Variants in RAB35 observed in about 807,000 individuals in gnomAD.
RAB35 encodes the protein RAB35, member RAS oncogene family.
In RAB35, 4 loss-of-function variants were observed where a neutral mutation model predicts 28.9. That is an observed-to-expected ratio of 0.14 (90% CI 0.07 to 0.32). The LOEUF is 0.32. Ranked by LOEUF, RAB35 falls within the 10% of genes least tolerant of loss-of-function variation. The pLI is 1.00. For missense variants in RAB35, 128 were observed against 274.0 expected (o/e 0.47, Z 3.76); for synonymous variants, 99 against 105.1 (o/e 0.94, Z 0.35).
intron 2 of RAB35, among the ~76,000 whole-genome samples, chr12:120,107,052 C>G (rs1044340228): frequency 8.6e-5 from 13 of 151,888 alleles, no homozygotes; most frequent in African/African-American, 2.7e-4. Flanking sequence ...GCAGTGGTGC[C>G]ATCTCAGCTC....
rs575152511 is a variant in RAB35 at position 120,116,749 on chromosome 12, C to T, written c.-99G>A. 30 of 1,187,776 alleles carry T rather than the reference C, an allele frequency of 2.5e-5. No homozygotes were observed. In the South Asian group the frequency reaches 1.0e-3, roughly 40 times the overall value. 73.6% of individuals were successfully genotyped at this position (1,187,776 alleles called of 1,614,324 possible). A position where few individuals can be genotyped will look rare whatever the true frequency, so the allele number is the denominator to read the frequency against. ...CTCCGGCAGCGGCGGATCCACTTCC[C>T]GAACAAACAGCCGGAACTGACAGAA... On this transcript the variant is annotated 5_prime_UTR_variant, in exon 1 of 6. Transcript: ENST00000229340.
Position 120,095,673 on chromosome 12 carries a change from C to T in RAB35, c.*1572G>A, listed in dbSNP as rs887140146. On this transcript the variant is annotated 3_prime_UTR_variant, in exon 6 of 6. Coordinates refer to ENST00000229340, the MANE Select transcript of RAB35 (RefSeq NM_006861.7). Reference sequence around the variant, plus strand: ...CCCATGGGGCTCCCCCACCCCATCCCGTGGCTCCAAAGTGAAGGCCTGTCC... The same window carrying T: ...CCCATGGGGCTCCCCCACCCCATCCTGTGGCTCCAAAGTGAAGGCCTGTCC... 6 of 152,278 alleles carry T rather than the reference C, an allele frequency of 3.9e-5. No individual in the cohort carries two copies. The highest frequency in any genetic ancestry group is 7.2e-5 in the African/African-American group (3 of 41,458). 9.4% of individuals were successfully genotyped at this position (152,278 alleles called of 1,614,324 possible).
intron 3 of RAB35, among the ~76,000 whole-genome samples, chr12:120,101,022 C>A (rs1271236804): frequency 6.6e-6 from 1 of 152,232 alleles, no homozygotes; most frequent in African/African-American, 2.4e-5. Flanking sequence ...ACAGCCCCCG[C>A]GGCTCCCTGG....
chr12:120,113,140 C>T (rs1031841247), intron 1 of RAB35, among the ~76,000 whole-genome samples: 1 of 151,740 alleles, frequency 6.6e-6, no homozygotes, highest in African/African-American at 2.4e-5. Context: ...GATCTGCCCA[C>T]CTCGGCCTCC....
Position 120,098,782 on chromosome 12 carries a change from G to A in RAB35, c.477+29C>T, listed in dbSNP as rs768727707. The A allele has an allele frequency of 1.9e-6, 3 of 1,613,338 alleles. No homozygotes were observed. In the African/African-American group the frequency reaches 4.0e-5, roughly 22 times the overall value. ...ATGGAGAAGGCGGCCACGGGTGTGT[G>A]GCAGAGCCACAGTGGCCCAGGGCCT... is the stretch of plus-strand genomic sequence containing the variant. On this transcript the variant is annotated intron_variant, in intron 5 of 5. Transcript: ENST00000229340.
chr12:120,116,419 C>G (rs1876339233), intron 1 of RAB35, among the ~76,000 whole-genome samples, 180 bp downstream of exon 1: 2 of 151,750 alleles, frequency 1.3e-5, no homozygotes, highest in Admixed American at 1.3e-4. Flanking sequence ...CGCCCCGCGC[C>G]CCAACCTCCC....
chr12:120,109,891 C>A (rs1024655884), intron 1 of RAB35, among the ~76,000 whole-genome samples: 1 of 152,170 alleles, frequency 6.6e-6, no homozygotes, highest in African/African-American at 2.4e-5. Flanking sequence ...ATCTCCAACA[C>A]CCCTGAGGCC....
Position 120,103,641 on chromosome 12 carries a change from C to A in RAB35, c.227+185G>T, listed in dbSNP as rs899567817. On this transcript the variant is annotated intron_variant, in intron 3 of 5. Coordinates refer to ENST00000229340, the MANE Select transcript of RAB35 (RefSeq NM_006861.7). The surrounding 1 kb of genome is among the most constrained non-coding windows in gnomAD (Gnocchi z 6.1). ...GCTCAGCGACTCCCCCACAGCACCC[C>A]CCTCACATCTTCAGGACCAGGAAGG... 2.8e-4 allele frequency among the ~76,000 whole-genome samples: 42 copies of A among 152,196 alleles called. No individual in the cohort carries two copies. Among genetic ancestry groups the A allele is most frequent in the African/African-American group, 9.4e-4 (39 of 41,440 alleles).
rs1190907036 is a variant in RAB35, at chr12:120,096,440, C to T, written c.*805G>A. On this transcript the variant is annotated 3_prime_UTR_variant, in exon 6 of 6. Transcript: ENST00000229340. ...TTAAAATAATCCTCCCATAGCCCCC[C>T]TGCCAGCCCCATCTCTGCACGAACC... The T allele has an allele frequency of 1.6e-6, 2 of 1,288,472 alleles. No individual in the cohort carries two copies. Among genetic ancestry groups the T allele is most frequent in the African/African-American group, 1.5e-5 (1 of 65,842 alleles). 79.8% of individuals were successfully genotyped at this position (1,288,472 alleles called of 1,614,324 possible).
rs76041269 is a variant in RAB35 at position 120,099,852 on chromosome 12, C to T, written c.228-698G>A. Reference sequence around the variant, plus strand: ...CCCATGTCCCCATTCATCCCAGTGGCACAGGACGACATCAATCCCCGGAGG... The same window carrying T: ...CCCATGTCCCCATTCATCCCAGTGGTACAGGACGACATCAATCCCCGGAGG... On this transcript the variant is annotated intron_variant, in intron 3 of 5. Coordinates refer to ENST00000229340, the MANE Select transcript of RAB35 (RefSeq NM_006861.7). Among the ~76,000 whole-genome samples the T allele has an allele frequency of 5.6e-3, 850 of 152,060 alleles. 3 individuals carry two copies. Among genetic ancestry groups the T allele is most frequent in the Middle Eastern group, 0.014 (4 of 294 alleles).
At chr12:120,115,071 C>T (rs553273242) in intron 1 of RAB35, among the ~76,000 whole-genome samples, 2 of 152,130 alleles carry the variant, frequency 1.3e-5, no homozygotes, top group African/African-American at 2.4e-5. Context: ...TTCATTCAAA[C>T]CATAACCAGT....
chr12:120,099,991 CCCAAAGCCGCAGGG>C (rs1452615183), intron 3 of RAB35, among the ~76,000 whole-genome samples: 1 of 152,246 alleles, frequency 6.6e-6, no homozygotes. Context: ...GTCCCCTCTC[CCCAAAGCCGCAGGG>C]ACCTCCACCC....
At position 120,097,939 on chromosome 12, in the gene RAB35, AGTGGC is replaced by A. The variant is rs1159264532; in HGVS notation, c.478-571_478-567del. 9.9e-5 allele frequency among the ~76,000 whole-genome samples: 14 copies of A among 141,370 alleles called. No individual in the cohort carries two copies. In the Admixed American group the frequency reaches 1.1e-3, roughly 11 times the overall value. 92.7% of individuals were successfully genotyped at this position (141,370 alleles called of 152,430 possible). A position where few individuals can be genotyped will look rare whatever the true frequency, so the allele number is the denominator to read the frequency against. ...CGCTCTGTCGCCCAGGCTGGAGTGC[AGTGGC>A]GTGATCTCAGCTCACTGCAAACTCT... is the stretch of plus-strand genomic sequence containing the variant. On this transcript the variant is annotated intron_variant, in intron 5 of 5. Coordinates refer to ENST00000229340, the MANE Select transcript of RAB35 (RefSeq NM_006861.7).
Position 120,113,742 on chromosome 12 carries a change from G to A in RAB35, c.52+2857C>T, listed in dbSNP as rs374693118. On this transcript the variant is annotated intron_variant, in intron 1 of 5. Transcript: ENST00000229340. ...CTGAGGCAGGAGAATGGCGTGAACC[G>A]GGGAGGTGGAGCCGGCAGTGAGCCG... is the stretch of plus-strand genomic sequence containing the variant. Among the ~76,000 whole-genome samples, 29 of 151,986 alleles carry A rather than the reference G, an allele frequency of 1.9e-4. No individual in the cohort carries two copies. In the East Asian group the frequency reaches 2.3e-3, roughly 12 times the overall value.
intron 3 of RAB35, among the ~76,000 whole-genome samples, chr12:120,101,708 T>G (rs1428531447): frequency 1.3e-5 from 2 of 152,178 alleles, no homozygotes; most frequent in Admixed American, 1.3e-4. Flanking sequence ...GACTCTAAGA[T>G]GGAGCCACCT....
At chr12:120,111,635 C>G (rs1187031835) in intron 1 of RAB35, among the ~76,000 whole-genome samples, 1 of 151,194 alleles carries the variant, frequency 6.6e-6, no homozygotes, top group Non-Finnish European at 1.5e-5. Context: ...GAACTGAGAT[C>G]GTGTCACTGC....
In RAB35 at chr12:120,096,388, T is replaced by C. The variant is rs1019315641; in HGVS notation, c.*857A>G. 1 of 1,248,784 alleles carries C rather than the reference T, an allele frequency of 8.0e-7. No homozygotes were observed. Among genetic ancestry groups the C allele is most frequent in the Admixed American group, 2.6e-5 (1 of 38,838 alleles). 77.4% of individuals were successfully genotyped at this position (1,248,784 alleles called of 1,614,324 possible). A position where few individuals can be genotyped will look rare whatever the true frequency, so the allele number is the denominator to read the frequency against. ...AATAATTGTGAGGAATTTAATTCAC[T>C]TGATTTGGCTTCATTTTCTTGATCT... On this transcript the variant is annotated 3_prime_UTR_variant, in exon 6 of 6. Coordinates refer to ENST00000229340, the MANE Select transcript of RAB35 (RefSeq NM_006861.7).
intron 5 of RAB35, 133 bp from the exon 6 acceptor site, chr12:120,097,506 G>A: frequency 3.0e-6 from 2 of 663,072 alleles, no homozygotes; most frequent in Non-Finnish European, 5.2e-6. Context: ...TGTCTTCAAA[G>A]CCTATTCTAG....
chr12:120,101,939 C>G (rs569584151), intron 3 of RAB35, among the ~76,000 whole-genome samples: 161 of 152,332 alleles, frequency 1.1e-3, no homozygotes, highest in African/African-American at 3.5e-3. Context: ...TGTGGCTCCT[C>G]CTGCTGAAAG....
Sources: gnomAD v4.1 joint callset for allele counts (sites outside exome capture counted in the v4.1 genomes callset) on GRCh38, gnomAD v4.1.1 for gene constraint, Gnocchi (gnomAD v3.1) non-coding constraint, MANE v1.5 for transcripts, NCBI Gene and HGNC (gene_info 2026-07-23, HGNC 2026-07-21) for gene names.